Variants in PTPN21 observed in about 807,000 individuals in gnomAD.
PTPN21 encodes tyrosine-protein phosphatase non-receptor type 21.
In PTPN21, 77 loss-of-function variants were observed where a neutral mutation model predicts 131.8. The ratio of observed to expected loss-of-function variants is 0.58; its 90% CI spans 0.49 to 0.71. PTPN21 has a LOEUF of 0.71. Ranked by LOEUF, PTPN21 falls within the 30% of genes least tolerant of loss-of-function variation. The pLI is 0.00. For missense variants in PTPN21, 1,552 were observed against 1,527.1 expected, an observed-to-expected ratio of 1.02 and a Z score of -0.27; for synonymous variants, 715 against 621.3, an observed-to-expected ratio of 1.15 and a Z score of -2.24.
chr14:88,504,051 TAAAAG>T (rs2139279161), intron 6 of PTPN21: 1 of 195,248 alleles, frequency 5.1e-6, no homozygotes, highest in East Asian at 1.5e-4. Context: ...AGCTGTATCA[TAAAAG>T]AAAACAAATC....
chr14:88,467,044 A>G lies in PTPN21; in HGVS notation c.*1093T>C, dbSNP rs1171766746. 2 of 152,222 alleles carry G rather than the reference A, an allele frequency of 1.3e-5. No individual in the cohort carries two copies. Among genetic ancestry groups the G allele is most frequent in the Non-Finnish European group, 2.9e-5 (2 of 68,042 alleles). 9.4% of individuals were successfully genotyped at this position (152,222 alleles called of 1,614,324 possible). A position where few individuals can be genotyped will look rare whatever the true frequency, so the allele number is the denominator to read the frequency against. ...CACAGGACTTGAATTCCCTGGGGACAGTGCTGTGGGGTCCCCTGCTCGCCA... is the reference window on the plus strand; with the variant it reads ...CACAGGACTTGAATTCCCTGGGGACGGTGCTGTGGGGTCCCCTGCTCGCCA... On this transcript the variant is annotated 3_prime_UTR_variant, in exon 19 of 19. Transcript: ENST00000556564.
chr14:88,530,120 T>C (rs1337431078), intron 2 of PTPN21, among the ~76,000 whole-genome samples: 2 of 152,148 alleles, frequency 1.3e-5, no homozygotes, highest in African/African-American at 4.8e-5. Flanking sequence ...TGGGGTCCTA[T>C]ATTAGCCTCC....
At chr14:88,549,063 G>A (rs2078822476) in intron 2 of PTPN21, among the ~76,000 whole-genome samples, 1 of 152,190 alleles carries the variant, frequency 6.6e-6, no homozygotes, top group Admixed American at 6.5e-5. Flanking sequence ...AACTCAAACT[G>A]AGTTCAGGCA....
intron 2 of PTPN21, among the ~76,000 whole-genome samples, chr14:88,537,440 C>T (rs1315571136): frequency 6.6e-6 from 1 of 152,066 alleles, no homozygotes; most frequent in African/African-American, 2.4e-5. Context: ...TTTAACTGGA[C>T]TAATGTTTAG....
At chr14:88,523,163 C>T (rs1308435016) in intron 2 of PTPN21, among the ~76,000 whole-genome samples, 1 of 152,076 alleles carries the variant, frequency 6.6e-6, no homozygotes, top group Non-Finnish European at 1.5e-5. Flanking sequence ...TATAGACCGA[C>T]ATCCCTTGTA....
At chr14:88,483,443 G>A (rs1482297985) in intron 12 of PTPN21, among the ~76,000 whole-genome samples, 3 of 152,066 alleles carry the variant, frequency 2.0e-5, no homozygotes, top group South Asian at 2.1e-4. Context: ...AGAACATGGT[G>A]AGGGGGATGC....
In PTPN21 at chr14:88,497,274, T is replaced by G; in HGVS notation, c.781A>C (p.Asn261His). 6.2e-7 allele frequency: 1 copy of G among 1,613,376 alleles called. No individual in the cohort carries two copies. Among genetic ancestry groups the G allele is most frequent in the Non-Finnish European group, 8.5e-7 (1 of 1,179,310 alleles). Reference sequence around the variant, plus strand: ...AAAAAGGACTTGTTGTGGGACATGTTGGCAATGTCATGCCACCTAAAGAAC... The same window carrying G: ...AAAAAGGACTTGTTGTGGGACATGTGGGCAATGTCATGCCACCTAAAGAAC... ...PVVFRWHDIANMSHNKSFFAL... is the reference protein window; with the variant it reads ...PVVFRWHDIAHMSHNKSFFAL... Residue 261 changes from asparagine to histidine, a missense_variant, in exon 9 of 19, where the codon AAC (asparagine) becomes CAC (histidine). Around this residue, in one of 4 missense-constraint regions of PTPN21, gnomAD observed 1,016 missense variants for 883.5 expected, o/e 1.15. Transcript: ENST00000556564.
Position 88,469,663 on chromosome 14 carries a change from C to T in PTPN21, c.3071G>A (p.Gly1024Glu). The T allele has an allele frequency of 6.2e-7, 1 of 1,614,180 alleles. No individual in the cohort carries two copies. Among genetic ancestry groups the T allele is most frequent in the Non-Finnish European group, 8.5e-7 (1 of 1,180,044 alleles). ...LGSRHNTVTY[G>E]RFKITTRFRT... ...GAACCGGGTCGTGATCTTAAACCTT[C>T]CATAGGTGACAGTGTTGTGCCTGGA... is the stretch of plus-strand genomic sequence containing the variant. The change falls in exon 17 of 19, where the codon GGA becomes GAA. Residue 1024 changes from glycine (G) to glutamate (E), a missense_variant. Transcript: ENST00000556564. This position sits in a 1 kb window ranked among gnomAD's most constrained non-coding sequence, Gnocchi z 4.3.
At chr14:88,542,483 G>A (rs888254840) in intron 2 of PTPN21, among the ~76,000 whole-genome samples, 3 of 152,104 alleles carry the variant, frequency 2.0e-5, no homozygotes, top group Admixed American at 6.6e-5. Context: ...AGAAAATAAG[G>A]ACATCTGGTA....
At chr14:88,518,303 T>C (rs140105772) in intron 2 of PTPN21, among the ~76,000 whole-genome samples, 17,545 of 88,050 alleles carry the variant, frequency 0.2, 2,432 homozygotes, top group East Asian at 0.28. Context: ...CACACACACA[T>C]ATATGTGTAT....
intron 2 of PTPN21, among the ~76,000 whole-genome samples, chr14:88,531,120 A>G (rs1332898301): frequency 6.6e-6 from 1 of 152,262 alleles, no homozygotes; most frequent in East Asian, 1.9e-4. Context: ...AAAACTGGAA[A>G]TTAACTCCAA....
At chr14:88,517,318 C>T (rs2078288511) in intron 2 of PTPN21, 57 bp from the exon 3 acceptor site, 5 of 1,570,692 alleles carry the variant, frequency 3.2e-6, no homozygotes, top group Non-Finnish European at 3.5e-6. Context: ...ATTTCAATGA[C>T]TTCAGTCGCA....
chr14:88,545,571 T>C lies in PTPN21; in HGVS notation c.180+4667A>G, dbSNP rs1356306059. The stretch of plus-strand genomic sequence containing the variant: ...GGACTCACAGCCTCTCTTGAAAAAA[T>C]GTTTTGAAACTCAGAAGAATGATAG... On this transcript the variant is annotated intron_variant, in intron 2 of 18. Transcript: ENST00000556564. 5.3e-5 allele frequency among the ~76,000 whole-genome samples: 8 copies of C among 152,290 alleles called. No individual in the cohort carries two copies. In the South Asian group the frequency reaches 1.2e-3, roughly 24 times the overall value.
In PTPN21 at chr14:88,480,190, G is replaced by A. The variant is rs368027125; in HGVS notation, c.1241C>T (p.Pro414Leu). ...NNPQPYLQPS[P>L]MSSNPSITGS... is the part of the protein sequence containing the mutation. ...GGTGATGCTAGGGTTGGACGACATC[G>A]GCGAGGGCTGCAAGTAGGGCTGAGG... The change falls in exon 13 of 19, where the codon CCG becomes CTG. Residue 414 changes from proline to leucine, a missense_variant. Transcript: ENST00000556564. 4 of 1,614,038 alleles carry A rather than the reference G, an allele frequency of 2.5e-6. No homozygotes were observed. In the African/African-American group the frequency reaches 5.3e-5, roughly 22 times the overall value.
intron 2 of PTPN21, among the ~76,000 whole-genome samples, chr14:88,534,339 C>A (rs114276987): frequency 6.7e-6 from 1 of 149,386 alleles, no homozygotes; most frequent in African/African-American, 2.5e-5. Flanking sequence ...GCCAAGATCA[C>A]GCAACTGTAC....
intron 12 of PTPN21, among the ~76,000 whole-genome samples, chr14:88,480,600 TAAAC>T (rs1458938545): frequency 2.6e-5 from 4 of 152,090 alleles, no homozygotes; most frequent in African/African-American, 4.8e-5. Context: ...GACCCTGTCT[TAAAC>T]GAACCACACC....
At chr14:88,497,674 G>A (rs1703249959) in intron 8 of PTPN21, among the ~76,000 whole-genome samples, 3 of 152,154 alleles carry the variant, frequency 2.0e-5, no homozygotes, top group Non-Finnish European at 2.9e-5. Flanking sequence ...AGCTACTCGG[G>A]AGGCTGAGGC....
chr14:88,484,928 C>A lies in PTPN21; in HGVS notation c.1078+148G>T, dbSNP rs535636658. 6.2e-6 allele frequency: 4 copies of A among 641,832 alleles called. No homozygotes were observed. In the South Asian group the frequency reaches 7.5e-5, roughly 12 times the overall value. 39.8% of individuals were successfully genotyped at this position (641,832 alleles called of 1,614,324 possible). A position where few individuals can be genotyped will look rare whatever the true frequency, so the allele number is the denominator to read the frequency against. ...CAAACAAAAAACAATATATTGGCTTCTTTTATGAATCCAGGATAGCTATTA... is the reference window on the plus strand; with the variant it reads ...CAAACAAAAAACAATATATTGGCTTATTTTATGAATCCAGGATAGCTATTA... On this transcript the variant is annotated intron_variant, in intron 12 of 18. Coordinates refer to ENST00000556564, the MANE Select transcript of PTPN21 (RefSeq NM_007039.4).
chr14:88,510,688 A>G (rs1405045223), intron 3 of PTPN21, among the ~76,000 whole-genome samples: 1 of 152,142 alleles, frequency 6.6e-6, no homozygotes, highest in Non-Finnish European at 1.5e-5. Context: ...AAGGTGTTCA[A>G]CCCTTCTGTG....
Sources: allele counts gnomAD v4.1 joint callset (sites outside exome capture counted in the v4.1 genomes callset), GRCh38; gene constraint gnomAD v4.1.1; regional missense constraint gnomAD v4.1.1; non-coding constraint Gnocchi (gnomAD v3.1); transcripts MANE v1.5; gene names NCBI Gene and HGNC (gene_info 2026-07-23, HGNC 2026-07-21).